The following MARCHF1 variants were observed in gnomAD, a reference collection of about 807,000 sequenced individuals.
The protein encoded by MARCHF1 is membrane associated ring-CH-type finger 1.
In MARCHF1, 40 loss-of-function variants were observed where a neutral mutation model predicts 54.2. That is an observed-to-expected ratio of 0.74 (90% CI 0.57 to 0.96). The LOEUF (loss-of-function observed/expected upper bound fraction) is 0.96. MARCHF1 is among the 40% of genes least tolerant of loss of function. The pLI is 0.00. For synonymous variants in MARCHF1, 236 were observed against 236.3 expected (o/e 1.00, Z 0.01); for missense variants, 586 against 656.5 (o/e 0.89, Z 1.17).
At chr4:163,643,222 G>A (rs1239884277) in intron 5 of MARCHF1, among the ~76,000 whole-genome samples, 1 of 151,702 alleles carries the variant, frequency 6.6e-6, no homozygotes, top group East Asian at 1.9e-4. Context: ...CAGCTACTCG[G>A]GAGGCTGAGG....
At chr4:164,335,485 G>A (rs1408437669) in intron 1 of MARCHF1, among the ~76,000 whole-genome samples, 1 of 152,050 alleles carries the variant, frequency 6.6e-6, no homozygotes, top group East Asian at 1.9e-4. Context: ...AGGAGGCTGA[G>A]GCAGGAGAAT....
chr4:164,269,407 C>T (rs1452541539), intron 1 of MARCHF1, among the ~76,000 whole-genome samples: 1 of 151,376 alleles, frequency 6.6e-6, no homozygotes, highest in Non-Finnish European at 1.5e-5. Flanking sequence ...CCAGCTCCTG[C>T]ATCAGGCCTT....
At chr4:164,069,359 A>G (rs1754808809) in intron 2 of MARCHF1, among the ~76,000 whole-genome samples, 1 of 152,166 alleles carries the variant, frequency 6.6e-6, no homozygotes, top group Admixed American at 6.5e-5. Context: ...ATCCCCTTCC[A>G]CACTGCGGAA....
At chr4:163,538,679 C>T (rs1258542598) in intron 9 of MARCHF1, among the ~76,000 whole-genome samples, 3 of 152,148 alleles carry the variant, frequency 2.0e-5, no homozygotes, top group East Asian at 1.9e-4. Flanking sequence ...GATTTTATTC[C>T]GAAGAACCCT....
At chr4:164,271,387 T>C (rs935272473) in intron 1 of MARCHF1, among the ~76,000 whole-genome samples, 2 of 152,136 alleles carry the variant, frequency 1.3e-5, no homozygotes, top group African/African-American at 4.8e-5. Flanking sequence ...AAATGTGACA[T>C]TGCCAGCTTT....
chr4:163,539,910 A>G (rs1738669202), intron 9 of MARCHF1, among the ~76,000 whole-genome samples: 1 of 152,186 alleles, frequency 6.6e-6, no homozygotes, highest in Admixed American at 6.5e-5. Context: ...TACTTTCCAG[A>G]AATACTGTTT....
chr4:163,769,086 A>G (rs1747076221), intron 4 of MARCHF1, among the ~76,000 whole-genome samples: 1 of 152,172 alleles, frequency 6.6e-6, no homozygotes, highest in African/African-American at 2.4e-5. Flanking sequence ...TGCTTTTTAA[A>G]AAGCACACCT....
intron 5 of MARCHF1, among the ~76,000 whole-genome samples, chr4:163,655,679 A>G (rs552765969): frequency 6.6e-6 from 1 of 152,140 alleles, no homozygotes; most frequent in African/African-American, 2.4e-5. Flanking sequence ...CAGCAAATGC[A>G]GAAGAACTGA....
chr4:164,009,777 A>C (rs1276628789), intron 2 of MARCHF1, among the ~76,000 whole-genome samples: 1 of 152,122 alleles, frequency 6.6e-6, no homozygotes, highest in African/African-American at 2.4e-5. Context: ...GCTCTCATTC[A>C]ATGGGTACAG....
At chr4:163,561,604 A>G (rs1383202516) in intron 8 of MARCHF1, among the ~76,000 whole-genome samples, 1 of 152,224 alleles carries the variant, frequency 6.6e-6, no homozygotes, top group African/African-American at 2.4e-5. Flanking sequence ...ATTTAAGAGG[A>G]TAAAATTGGT....
At chr4:163,545,919 TAG>T (rs1461023147) in intron 8 of MARCHF1, among the ~76,000 whole-genome samples, 176 bp from the exon 9 acceptor site, 2 of 151,660 alleles carry the variant, frequency 1.3e-5, no homozygotes, top group African/African-American at 4.9e-5. Context: ...AATTATAACC[TAG>T]AGAGTTACAT....
intron 1 of MARCHF1, among the ~76,000 whole-genome samples, chr4:164,309,288 G>A (rs913066681): frequency 6.6e-6 from 1 of 151,794 alleles, no homozygotes; most frequent in Non-Finnish European, 1.5e-5. Flanking sequence ...GTGTGTGCGC[G>A]TGTGTGTCTG....
chr4:163,909,536 T>A (rs1242438104), intron 3 of MARCHF1, among the ~76,000 whole-genome samples: 3 of 152,208 alleles, frequency 2.0e-5, no homozygotes, highest in African/African-American at 7.2e-5. Flanking sequence ...TATGAGGGGT[T>A]CAATAGTCGA....
chr4:163,795,545 C>G (rs1747892178), intron 4 of MARCHF1, among the ~76,000 whole-genome samples: 1 of 152,152 alleles, frequency 6.6e-6, no homozygotes, highest in Non-Finnish European at 1.5e-5. Flanking sequence ...ATGATATTTT[C>G]TAACTAATAT....
chr4:164,013,749 AT>A (rs140868108), intron 2 of MARCHF1, among the ~76,000 whole-genome samples: 20,542 of 150,760 alleles, frequency 0.14, 1,654 homozygotes, highest in South Asian at 0.23. Flanking sequence ...GGAAAAAAAA[AT>A]CTTTCAACCT....
chr4:164,068,472 G>T (rs1311190778), intron 2 of MARCHF1, among the ~76,000 whole-genome samples: 4 of 152,156 alleles, frequency 2.6e-5, no homozygotes, highest in Non-Finnish European at 5.9e-5. Context: ...CATGGGCTCG[G>T]CAGGCCCCAC....
chr4:163,860,767 G>A (rs1285225876), intron 3 of MARCHF1, among the ~76,000 whole-genome samples: 1 of 152,146 alleles, frequency 6.6e-6, no homozygotes, highest in Non-Finnish European at 1.5e-5. Context: ...GAGCCCAAAG[G>A]CAACAGGATA....
At chr4:163,755,291 T>C (rs766721389) in intron 4 of MARCHF1, among the ~76,000 whole-genome samples, 6 of 152,166 alleles carry the variant, frequency 3.9e-5, no homozygotes, top group Non-Finnish European at 7.4e-5. Context: ...CTGATTAGCT[T>C]ATAGCACACA....
chr4:164,047,879 T>C (rs1185935626), intron 2 of MARCHF1, among the ~76,000 whole-genome samples: 3 of 152,202 alleles, frequency 2.0e-5, no homozygotes, highest in Non-Finnish European at 4.4e-5. Context: ...TATTTTCTCA[T>C]TGATTTTCCT....
Sources: gnomAD v4.1 joint callset for allele counts (sites outside exome capture counted in the v4.1 genomes callset) on GRCh38, gnomAD v4.1.1 for gene constraint, MANE v1.5 for transcripts, NCBI Gene and HGNC (gene_info 2026-07-23, HGNC 2026-07-21) for gene names.